The following DET1 variants were observed in gnomAD, a reference collection of about 807,000 sequenced individuals.
The protein encoded by DET1 is DET1 homolog.
In DET1, 22 loss-of-function variants were observed where a neutral mutation model predicts 43.7. The ratio of observed to expected loss-of-function variants is 0.50; its 90% CI spans 0.36 to 0.72. DET1 has a LOEUF of 0.72. Ranked by LOEUF, DET1 falls within the 30% of genes least tolerant of loss-of-function variation. The pLI is 0.00. For missense variants in DET1, 713 were observed against 713.3 expected (o/e 1.00, Z 0.00); for synonymous variants, 315 against 266.2 (o/e 1.18, Z -1.79).
chr15:88,506,728 C>G (rs1366949638), intron 7 of DET1, among the ~76,000 whole-genome samples: 1 of 152,152 alleles, frequency 6.6e-6, no homozygotes, highest in African/African-American at 2.4e-5. Context: ...AGGTTTTTCA[C>G]TCATTTATAC....
chr15:88,511,408 C>G, downstream of DET1: 1 of 985,492 alleles, frequency 1.0e-6, no homozygotes. Flanking sequence ...CCAGTGTATG[C>G]TGCAGCTGTA....
At chr15:88,536,245 C>T (rs1250403523) in intron 1 of DET1, 2 of 728,520 alleles carry the variant, frequency 2.7e-6, no homozygotes, top group Non-Finnish European at 5.1e-6. Context: ...CGTCTGCCCA[C>T]ATGAATTTAC....
intron 1 of DET1, among the ~76,000 whole-genome samples, chr15:88,533,858 A>AAAAAAAAAAAG (rs1170239384): frequency 3.6e-5 from 5 of 137,952 alleles, no homozygotes; most frequent in African/African-American, 1.7e-4. Context: ...TCTCTAAAAA[A>AAAAAAAAAAAG]AAAAAAAAAA....
chr15:88,535,872 A>G (rs2056936214), intron 1 of DET1, among the ~76,000 whole-genome samples: 1 of 152,212 alleles, frequency 6.6e-6, no homozygotes, highest in South Asian at 2.1e-4. Flanking sequence ...GAGGAAGGAA[A>G]TTTCCCAAAT....
At position 88,522,950 on chromosome 15, in the gene DET1, C is replaced by T. The variant is rs112799210; in HGVS notation, c.1271+4649G>A. Among the ~76,000 whole-genome samples, 841 of 150,108 alleles carry T rather than the reference C, an allele frequency of 5.6e-3. 5 individuals are homozygous for T. The highest frequency in any genetic ancestry group is 7.7e-3 in the Admixed American group (116 of 15,042). On this transcript the variant is annotated intron_variant, in intron 3 of 4. Transcript: ENST00000268148. ...ACTCTGGAATGCAGTAGCTTGATCT[C>T]GGTTCACTGCAACCTCCGCCTTCCA...
At chr15:88,518,619 T>C (rs754964482) in intron 3 of DET1, among the ~76,000 whole-genome samples, 3 of 152,180 alleles carry the variant, frequency 2.0e-5, no homozygotes, top group South Asian at 2.1e-4. Context: ...TTAGAAAGAA[T>C]GTCAACTGTC....
chr15:88,513,545 T>G (rs924397691), intron 4 of DET1, among the ~76,000 whole-genome samples: 2 of 151,890 alleles, frequency 1.3e-5, no homozygotes, highest in Non-Finnish European at 2.9e-5. Context: ...AAGGGGAAAT[T>G]TTAATAATAC....
intron 3 of DET1, among the ~76,000 whole-genome samples, chr15:88,526,604 C>A (rs1598331822): frequency 6.6e-6 from 1 of 152,150 alleles, no homozygotes; most frequent in Non-Finnish European, 1.5e-5. Flanking sequence ...TAACCTCCTG[C>A]CTGGAGAGTA....
At chr15:88,512,300 G>A (rs369917404), downstream of DET1, 12 of 976,712 alleles carry the variant, frequency 1.2e-5, no homozygotes, top group East Asian at 8.0e-4. Context: ...GCAAAAACCC[G>A]AGGGAAGGAA....
downstream of DET1, among the ~76,000 whole-genome samples, chr15:88,511,131 C>T (rs142656036): frequency 2.0e-5 from 3 of 152,224 alleles, no homozygotes; most frequent in Non-Finnish European, 4.4e-5. Context: ...CTACATTTTT[C>T]ATGATCTACT....
chr15:88,522,843 T>C (rs188240063), intron 3 of DET1, among the ~76,000 whole-genome samples: 39 of 151,516 alleles, frequency 2.6e-4, no homozygotes, highest in African/African-American at 8.7e-4. Context: ...TTTTATACTT[T>C]CAATTGATTC....
intron 1 of DET1, chr15:88,536,402 G>A (rs2056951558): frequency 1.3e-6 from 1 of 741,990 alleles, no homozygotes; most frequent in Admixed American, 2.0e-5. Flanking sequence ...GGACAGTTAA[G>A]CGCTCATAAA....
rs1463520183 is a variant in DET1 at position 88,531,803 on chromosome 15, TTA to T, written c.-10-90_-10-89del. On this transcript the variant is annotated intron_variant, in intron 1 of 4. Transcript: ENST00000268148. This position sits in a 1 kb window ranked among gnomAD's most constrained non-coding sequence, Gnocchi z 6.2. ...ATACAAGTGAAACAGATTTCTCTTC[TTA>T]TATCCTGAACCTAGGAGCTCCCAAG... 77 of 1,318,386 alleles carry T rather than the reference TTA, an allele frequency of 5.8e-5. No homozygotes were observed. The highest frequency in any genetic ancestry group is 7.7e-5 in the Non-Finnish European group (76 of 985,924). The allele number at this position is 1,318,386 out of a possible 1,614,324, so 81.7% of individuals were successfully genotyped here.
At chr15:88,502,265 C>T (rs1001926162) in intron 8 of DET1, 6 of 152,140 alleles carry the variant, frequency 3.9e-5, no homozygotes, top group African/African-American at 9.7e-5. Context: ...TAAAGATTAC[C>T]TTTCATTCAC....
At chr15:88,543,276 G>A (rs966732172) in intron 1 of DET1, among the ~76,000 whole-genome samples, 1 of 152,320 alleles carries the variant, frequency 6.6e-6, no homozygotes, top group Non-Finnish European at 1.5e-5. Flanking sequence ...GTAGCAGCTA[G>A]AGCAAGCCTA....
At chr15:88,514,536 G>A (rs2056289420) in intron 4 of DET1, among the ~76,000 whole-genome samples, 1 of 152,136 alleles carries the variant, frequency 6.6e-6, no homozygotes, top group Non-Finnish European at 1.5e-5. Flanking sequence ...TGTAGAAAGA[G>A]AATAAATGCT....
chr15:88,502,287 G>T (rs561566824), intron 8 of DET1: 1 of 152,200 alleles, frequency 6.6e-6, no homozygotes, highest in South Asian at 2.1e-4. Flanking sequence ...TTTTCATTCC[G>T]GTTCAGAATA....
intron 3 of DET1, among the ~76,000 whole-genome samples, chr15:88,525,384 A>G (rs1288485092): frequency 6.6e-6 from 1 of 152,240 alleles, no homozygotes; most frequent in Non-Finnish European, 1.5e-5. Flanking sequence ...CTGAGCTGGA[A>G]TATACAACCT....
At chr15:88,502,135 G>A (rs2056094687) in intron 8 of DET1, 1 of 152,082 alleles carries the variant, frequency 6.6e-6, no homozygotes, top group Non-Finnish European at 1.5e-5. Context: ...TTTATTTTGA[G>A]TAATACATCC....
Sources: allele counts gnomAD v4.1 joint callset (sites outside exome capture counted in the v4.1 genomes callset), GRCh38; gene constraint gnomAD v4.1.1; non-coding constraint Gnocchi (gnomAD v3.1); transcripts MANE v1.5; gene names NCBI Gene and HGNC (gene_info 2026-07-23, HGNC 2026-07-21).